Variants in DYSF observed in about 807,000 individuals in gnomAD.
DYSF encodes the protein dystrophy-associated fer-1-like 1.
In DYSF, 212 loss-of-function variants were observed where a neutral mutation model predicts 274.9. The observed-to-expected ratio is 0.77, with a 90% CI of 0.69 to 0.86. The LOEUF (loss-of-function observed/expected upper bound fraction) is 0.86, where lower values mean the gene tolerates loss of function less well. Ranked by LOEUF, DYSF falls within the 40% of genes least tolerant of loss-of-function variation. The probability of loss-of-function intolerance (pLI) is 0.00; values close to 1 mark genes in which losing one functional copy is unlikely to be tolerated. For missense variants in DYSF, 2,666 were observed against 2,783.2 expected, an observed-to-expected ratio of 0.96 and a Z score of 0.95; for synonymous variants, 1,091 against 1,078.7, an observed-to-expected ratio of 1.01 and a Z score of -0.22.
chr2:71,588,988 G>A (rs1469273383), intron 30 of DYSF, among the ~76,000 whole-genome samples: 3 of 152,154 alleles, frequency 2.0e-5, no homozygotes, highest in Non-Finnish European at 2.9e-5. Context: ...AGGGCGAGGT[G>A]GCAGGGCTGA....
chr2:71,456,492 CT>C (rs2081070041), intron 1 of DYSF, among the ~76,000 whole-genome samples: 1 of 152,178 alleles, frequency 6.6e-6, no homozygotes, highest in Non-Finnish European at 1.5e-5. Flanking sequence ...AGGGATGCAG[CT>C]CAAAGCAAAA....
At chr2:71,554,101 C>G (rs893243388) in intron 21 of DYSF, among the ~76,000 whole-genome samples, 170 bp downstream of exon 21, 1 of 152,128 alleles carries the variant, frequency 6.6e-6, no homozygotes, top group Non-Finnish European at 1.5e-5. Flanking sequence ...GGCTTGTGGT[C>G]CTGTCCTGCA....
intron 41 of DYSF, among the ~76,000 whole-genome samples, chr2:71,634,423 A>G (rs17007143): frequency 0.037 from 5,700 of 152,212 alleles, 328 homozygotes; most frequent in African/African-American, 0.12. Flanking sequence ...CAGACATGGA[A>G]TAGCTGTCCT....
At chr2:71,605,831 C>T (rs544249733) in intron 36 of DYSF, among the ~76,000 whole-genome samples, 2 of 152,246 alleles carry the variant, frequency 1.3e-5, no homozygotes, top group South Asian at 2.1e-4. Flanking sequence ...ATTCCTCCCC[C>T]AAGGCCTTAA....
At chr2:71,462,497 G>A (rs1558917400), upstream of DYSF, among the ~76,000 whole-genome samples, 2 of 152,194 alleles carry the variant, frequency 1.3e-5, no homozygotes, top group Admixed American at 1.3e-4. Context: ...GCAGGGTTGG[G>A]GTGGGGGGCA....
At chr2:71,533,322 T>G (rs2088957089) in intron 14 of DYSF, among the ~76,000 whole-genome samples, 1 of 152,244 alleles carries the variant, frequency 6.6e-6, no homozygotes, top group Admixed American at 6.5e-5. Context: ...CCCAGCCGAC[T>G]ATAGATTTTT....
chr2:71,466,809 C>T lies in DYSF; in HGVS notation c.-34C>T. Reference sequence around the variant, plus strand: ...CCCGGTGCTCCCGCTCCCGCCCTGACTGCGCGCCTGTGTGCCGCCGGGGCT... The same window carrying T: ...CCCGGTGCTCCCGCTCCCGCCCTGATTGCGCGCCTGTGTGCCGCCGGGGCT... On this transcript the variant is annotated 5_prime_UTR_variant, in exon 1 of 56. Transcript: ENST00000410020. 1 of 1,497,926 alleles carries T rather than the reference C, an allele frequency of 6.7e-7. No homozygotes were observed. Among genetic ancestry groups the T allele is most frequent in the Non-Finnish European group, 9.0e-7 (1 of 1,110,230 alleles). The allele number at this position is 1,497,926 out of a possible 1,614,324, so 92.8% of individuals were successfully genotyped here.
At chr2:71,684,861 G>A (rs1275798132) in intron 55 of DYSF, among the ~76,000 whole-genome samples, 2 of 152,208 alleles carry the variant, frequency 1.3e-5, no homozygotes, top group African/African-American at 2.4e-5. Context: ...ATGAGGAAGG[G>A]GCTGCACTAG....
chr2:71,456,007 T>C (rs2081046766), intron 1 of DYSF, among the ~76,000 whole-genome samples: 1 of 152,200 alleles, frequency 6.6e-6, no homozygotes. Flanking sequence ...CAGGAAGTGC[T>C]GCTGGTGTGG....
intron 41 of DYSF, among the ~76,000 whole-genome samples, chr2:71,627,441 A>G (rs1481884987): frequency 6.6e-6 from 1 of 152,120 alleles, no homozygotes; most frequent in African/African-American, 2.4e-5. Context: ...TCTATGGTCC[A>G]GAGAGTGTAG....
rs1558749559 is a variant in DYSF at position 71,658,861 on chromosome 2, CCCTT to C, written c.4756-11_4756-8del. On this transcript the variant is annotated splice_polypyrimidine_tract_variant and intron_variant, in intron 43 of 55. Coordinates refer to ENST00000410020, the MANE Select transcript of DYSF (RefSeq NM_001130987.2). ...CAATGATGATAAAAATGAAAATTAACCCTTCCTTCTTTTCAGGGCCTCTTCAAAA... is the reference window on the plus strand; with the variant it reads ...CAATGATGATAAAAATGAAAATTAACCCTTCTTTTCAGGGCCTCTTCAAAA... The C allele has an allele frequency of 6.2e-7, 1 of 1,614,066 alleles. No individual in the cohort carries two copies. Among genetic ancestry groups the C allele is most frequent in the Admixed American group, 1.7e-5 (1 of 60,016 alleles).
chr2:71,628,083 G>A (rs1341387794), intron 41 of DYSF, among the ~76,000 whole-genome samples: 1 of 151,866 alleles, frequency 6.6e-6, no homozygotes, highest in African/African-American at 2.4e-5. Context: ...ATCTTATTTT[G>A]TATCTCTATC....
intron 4 of DYSF, among the ~76,000 whole-genome samples, chr2:71,503,575 G>A (rs1291387111): frequency 1.3e-5 from 2 of 152,138 alleles, no homozygotes; most frequent in Non-Finnish European, 2.9e-5. Flanking sequence ...CTGCCCCTTG[G>A]TCTGGTGCTG....
At chr2:71,529,864 C>T (rs1046960560) in intron 14 of DYSF, among the ~76,000 whole-genome samples, 2 of 152,190 alleles carry the variant, frequency 1.3e-5, no homozygotes, top group African/African-American at 4.8e-5. Flanking sequence ...TTTCTCCCTC[C>T]GCTTCGTTGA....
chr2:71,573,734 C>T (rs993038631), intron 29 of DYSF, among the ~76,000 whole-genome samples: 3 of 152,200 alleles, frequency 2.0e-5, no homozygotes, highest in Non-Finnish European at 2.9e-5. Context: ...TTCGTCACTG[C>T]GTCAGCCTAC....
intron 13 of DYSF, 106 bp downstream of exon 13, chr2:71,526,452 G>A: frequency 6.8e-7 from 1 of 1,471,532 alleles, no homozygotes. Flanking sequence ...GGGAAGGAGA[G>A]GCGTCTAGGA....
At chr2:71,529,399 C>T (rs184980001) in intron 14 of DYSF, among the ~76,000 whole-genome samples, 3 of 152,268 alleles carry the variant, frequency 2.0e-5, no homozygotes, top group East Asian at 1.9e-4. Flanking sequence ...TGGATTTGTT[C>T]GATTGTTTCC....
chr2:71,500,386 G>T (rs928432968), intron 3 of DYSF, among the ~76,000 whole-genome samples: 8 of 152,140 alleles, frequency 5.3e-5, no homozygotes, highest in Admixed American at 2.6e-4. Context: ...CTACAGGAGT[G>T]GGGGCTGGTG....
intron 3 of DYSF, among the ~76,000 whole-genome samples, chr2:71,501,944 CTAGG>C (rs2152713462): frequency 6.6e-6 from 1 of 152,230 alleles, no homozygotes; most frequent in Admixed American, 6.5e-5. Context: ...TATGCTAATT[CTAGG>C]TTTAATTTTT....
Sources: gnomAD v4.1 joint callset for allele counts (sites outside exome capture counted in the v4.1 genomes callset) on GRCh38, gnomAD v4.1.1 for gene constraint, MANE v1.5 for transcripts, NCBI Gene and HGNC (gene_info 2026-07-23, HGNC 2026-07-21) for gene names.